SLC12A6: variants seen among roughly 807,000 people sequenced by gnomAD.
SLC12A6 encodes the protein K-Cl cotransporter 3.
A neutral mutation model predicts 135.3 loss-of-function variants in SLC12A6; 66 were observed. The observed-to-expected ratio is 0.49, with a 90% CI of 0.40 to 0.60. The LOEUF (loss-of-function observed/expected upper bound fraction) is 0.60, where lower values mean the gene tolerates loss of function less well. Ranked by LOEUF, SLC12A6 falls within the 20% of genes least tolerant of loss-of-function variation. The probability of loss-of-function intolerance (pLI) is 0.00; values close to 1 mark genes in which losing one functional copy is unlikely to be tolerated. For missense variants in SLC12A6, 1,058 were observed against 1,452.3 expected, an observed-to-expected ratio of 0.73 and a Z score of 4.41; for synonymous variants, 513 against 508.8, an observed-to-expected ratio of 1.01 and a Z score of -0.11.
At chr15:34,238,094 T>TG in intron 21 of SLC12A6, 138 bp downstream of exon 21, 1 of 702,410 alleles carries the variant, frequency 1.4e-6, no homozygotes, top group Non-Finnish European at 2.6e-6. Flanking sequence ...AGTGGGATCA[T>TG]GGGAAAGCCT....
At chr15:34,249,727 G>T (rs1309094539) in intron 13 of SLC12A6, among the ~76,000 whole-genome samples, 3 of 152,156 alleles carry the variant, frequency 2.0e-5, no homozygotes, top group Non-Finnish European at 4.4e-5. Flanking sequence ...TGCCCTTCTT[G>T]ACTTTTGGTC....
In SLC12A6 at chr15:34,232,381, C is replaced by G. The variant is rs187033741; in HGVS notation, c.*1500G>C. The G allele has an allele frequency of 6.6e-6, 1 of 152,194 alleles. No individual in the cohort carries two copies. Among genetic ancestry groups the G allele is most frequent in the African/African-American group, 2.4e-5 (1 of 41,448 alleles). 9.4% of individuals were successfully genotyped at this position (152,194 alleles called of 1,614,324 possible). ...TTGCTGGGATCACAGGCATGCACCA[C>G]CATGCCCAGCTAATTTTTGTATTTT... On this transcript the variant is annotated 3_prime_UTR_variant, in exon 26 of 26. Transcript: ENST00000354181.
chr15:34,320,493 A>AG (rs747539451), intron 2 of SLC12A6, among the ~76,000 whole-genome samples: 67 of 152,222 alleles, frequency 4.4e-4, no homozygotes, highest in Admixed American at 7.9e-4. Flanking sequence ...TAGGAAGGGT[A>AG]GGGGGGAAGG....
chr15:34,243,869 G>A (rs1170427439), intron 16 of SLC12A6, 105 bp downstream of exon 16: 4 of 774,586 alleles, frequency 5.2e-6, no homozygotes, highest in Non-Finnish European at 9.4e-6. Context: ...TGAAATGGCT[G>A]ACCAAGAAAA....
rs752324026 is a variant in SLC12A6 at position 34,318,623 on chromosome 15, G to A, written c.271+17787C>T. On this transcript the variant is annotated intron_variant, in intron 2 of 25. Coordinates refer to ENST00000354181, the MANE Select transcript of SLC12A6 (RefSeq NM_001365088.1). ...TGCTAAACTAGGCTCTTGAGAGATC[G>A]AAGCCGCTGCCCCCTCCTCTGGGTC... 9.9e-6 allele frequency: 16 copies of A among 1,613,638 alleles called. No homozygotes were observed. The South Asian group carries it at 1.4e-4, about 14-fold the overall frequency.
chr15:34,320,367 A>T (rs978108712), intron 2 of SLC12A6, among the ~76,000 whole-genome samples: 1 of 152,218 alleles, frequency 6.6e-6, no homozygotes, highest in South Asian at 2.1e-4. Context: ...GGAGGTCATT[A>T]TGTTAAGTGA....
At chr15:34,255,413 T>C in intron 7 of SLC12A6, 21 bp from the exon 8 acceptor site, 1 of 1,578,712 alleles carries the variant, frequency 6.3e-7, no homozygotes, top group South Asian at 1.1e-5. Flanking sequence ...AAACAGAAGG[T>C]GAATAGAAGA....
At position 34,231,977 on chromosome 15, in the gene SLC12A6, T is replaced by C. The variant is rs953390564; in HGVS notation, c.*1904A>G. ...ATAATTTGTGACACCTAGGTCAGCT[T>C]GCTCCATGTCCTATTTAGTAATCAA... On this transcript the variant is annotated 3_prime_UTR_variant, in exon 26 of 26. Coordinates refer to ENST00000354181, the MANE Select transcript of SLC12A6 (RefSeq NM_001365088.1). 12 of 152,204 alleles carry C rather than the reference T, an allele frequency of 7.9e-5. No homozygotes were observed. Among genetic ancestry groups the C allele is most frequent in the African/African-American group, 2.9e-4 (12 of 41,450 alleles). The allele number at this position is 152,204 out of a possible 1,614,324, so 9.4% of individuals were successfully genotyped here. A position where few individuals can be genotyped will look rare whatever the true frequency, so the allele number is the denominator to read the frequency against.
At position 34,276,030 on chromosome 15, in the gene SLC12A6, T is replaced by C. The variant is rs143366089; in HGVS notation, c.272-641A>G. 1.5e-3 allele frequency among the ~76,000 whole-genome samples: 230 copies of C among 152,240 alleles called. 1 individual carries two copies. Among genetic ancestry groups the C allele is most frequent in the African/African-American group, 5.4e-3 (225 of 41,540 alleles). ...GGTGATGAGAAATTCTGGAAACAGA[T>C]AGTGGTAATGGGTGTACAACACTGT... On this transcript the variant is annotated intron_variant, in intron 2 of 25. Transcript: ENST00000354181.
intron 4 of SLC12A6, among the ~76,000 whole-genome samples, 197 bp from the exon 5 acceptor site, chr15:34,259,141 A>G (rs1338701347): frequency 2.0e-5 from 3 of 152,158 alleles, no homozygotes; most frequent in African/African-American, 7.2e-5. Context: ...GGAGTTTGAG[A>G]CCAGCCTGGC....
At chr15:34,331,497 GC>G (rs1388993692) in intron 2 of SLC12A6, among the ~76,000 whole-genome samples, 1 of 152,186 alleles carries the variant, frequency 6.6e-6, no homozygotes, top group African/African-American at 2.4e-5. Context: ...AGATGAAGTA[GC>G]ACTACTCTCG....
intron 8 of SLC12A6, 99 bp from the exon 9 acceptor site, chr15:34,254,688 C>T: frequency 1.1e-6 from 1 of 915,472 alleles, no homozygotes; most frequent in Non-Finnish European, 1.7e-6. Flanking sequence ...GAAAGCAAAG[C>T]TGAGAGAGAA....
Position 34,261,037 on chromosome 15 carries a change from A to AATT in SLC12A6, c.317-18_317-17insAAT. On this transcript the variant is annotated splice_polypyrimidine_tract_variant and intron_variant, in intron 3 of 25. Transcript: ENST00000354181. The stretch of plus-strand genomic sequence containing the variant: ...GTCCGTCGTCTGGAAAAAAAAAAGT[A>AATT]GACCAAGTTAGTTTCTCACTGGTTT... 1 of 1,278,506 alleles carries AATT rather than the reference A, an allele frequency of 7.8e-7. No individual in the cohort carries two copies. Among genetic ancestry groups the AATT allele is most frequent in the Non-Finnish European group, 1.1e-6 (1 of 873,998 alleles). 79.2% of individuals were successfully genotyped at this position (1,278,506 alleles called of 1,614,324 possible).
At chr15:34,297,242 T>G (rs918653038) in intron 2 of SLC12A6, among the ~76,000 whole-genome samples, 1 of 152,216 alleles carries the variant, frequency 6.6e-6, no homozygotes, top group Non-Finnish European at 1.5e-5. Context: ...TATTTTTAAT[T>G]TATACTCTAT....
At chr15:34,250,539 G>T in intron 12 of SLC12A6, 92 bp downstream of exon 12, 2 of 856,244 alleles carry the variant, frequency 2.3e-6, no homozygotes, top group Non-Finnish European at 4.1e-6. Context: ...TAGAAAGCAG[G>T]TATCTTTGTT....
chr15:34,267,238 A>T lies in SLC12A6; in HGVS notation c.317-6218T>A, dbSNP rs868113560. On this transcript the variant is annotated intron_variant, in intron 3 of 25. Transcript: ENST00000354181. Reference sequence around the variant, plus strand: ...CCAACGTTCCCAGTAGTCTCTTTTTAAAAAAAAAAAAAACTCCATAAATAA... The same window carrying T: ...CCAACGTTCCCAGTAGTCTCTTTTTTAAAAAAAAAAAAACTCCATAAATAA... Among the ~76,000 whole-genome samples, 222 of 82,862 alleles carry T rather than the reference A, an allele frequency of 2.7e-3. 1 individual carries two copies. The highest frequency in any genetic ancestry group is 6.8e-3 in the African/African-American group (160 of 23,680). The allele number at this position is 82,862 out of a possible 152,430, so 54.4% of individuals were successfully genotyped here. A position where few individuals can be genotyped will look rare whatever the true frequency, so the allele number is the denominator to read the frequency against.
intron 2 of SLC12A6, among the ~76,000 whole-genome samples, chr15:34,276,442 A>G (rs1267429746): frequency 2.6e-5 from 4 of 152,230 alleles, no homozygotes; most frequent in Non-Finnish European, 5.9e-5. Flanking sequence ...TTCCTAATGC[A>G]AGAGATATTG....
At chr15:34,255,970 A>T (rs1458374542) in intron 7 of SLC12A6, among the ~76,000 whole-genome samples, 1 of 152,122 alleles carries the variant, frequency 6.6e-6, no homozygotes, top group East Asian at 1.9e-4. Context: ...TCTGTCTATA[A>T]AAAAATATAT....
chr15:34,250,472 TTC>T (rs1205945027), intron 12 of SLC12A6, 117 bp from the exon 13 acceptor site: 14 of 864,324 alleles, frequency 1.6e-5, no homozygotes, highest in Non-Finnish European at 2.6e-5. Flanking sequence ...CTCCTATAAA[TTC>T]TTTTTTGAAT....
Sources: allele counts gnomAD v4.1 joint callset (sites outside exome capture counted in the v4.1 genomes callset), GRCh38; gene constraint gnomAD v4.1.1; transcripts MANE v1.5; gene names NCBI Gene and HGNC (gene_info 2026-07-23, HGNC 2026-07-21).